The following ST18 variants were observed in gnomAD, a reference collection of about 807,000 sequenced individuals.
ST18 encodes the protein suppression of tumorigenicity 18 protein.
Under a neutral mutation model 110.0 loss-of-function variants are expected in ST18, and 50 were observed. The ratio of observed to expected loss-of-function variants is 0.45; its 90% CI spans 0.36 to 0.58. ST18 has a LOEUF of 0.58. ST18 is among the 20% of genes least tolerant of loss of function. The pLI, the probability that ST18 is intolerant of heterozygous loss-of-function variation, is 0.00. For missense variants in ST18, 1,306 were observed against 1,280.1 expected, an observed-to-expected ratio of 1.02 and a Z score of -0.31; for synonymous variants, 461 against 452.4, an observed-to-expected ratio of 1.02 and a Z score of -0.24.
At chr8:52,282,654 T>C (rs1297868313) in intron 2 of ST18, among the ~76,000 whole-genome samples, 1 of 152,068 alleles carries the variant, frequency 6.6e-6, no homozygotes, top group African/African-American at 2.4e-5. Context: ...GCAGAGAAGC[T>C]TAGGTGCTTG....
At chr8:52,132,405 A>C (rs1047231008) in intron 21 of ST18, among the ~76,000 whole-genome samples, 2 of 152,180 alleles carry the variant, frequency 1.3e-5, no homozygotes, top group African/African-American at 4.8e-5. Flanking sequence ...CATTTTGTAG[A>C]TGAGGAATAA....
intron 2 of ST18, among the ~76,000 whole-genome samples, chr8:52,262,795 GCA>G (rs1424386400): frequency 6.6e-6 from 1 of 152,216 alleles, no homozygotes; most frequent in Non-Finnish European, 1.5e-5. Flanking sequence ...CCTACTCGCT[GCA>G]CACAGACTGC....
intron 3 of ST18, among the ~76,000 whole-genome samples, chr8:52,226,282 C>A (rs751287656): frequency 6.6e-6 from 1 of 152,132 alleles, no homozygotes; most frequent in Non-Finnish European, 1.5e-5. Flanking sequence ...TCACACAGAG[C>A]AATGCATTGC....
intron 2 of ST18, among the ~76,000 whole-genome samples, chr8:52,353,388 T>A (rs1479131251): frequency 6.6e-6 from 1 of 152,204 alleles, no homozygotes; most frequent in Non-Finnish European, 1.5e-5. Flanking sequence ...TTAACCACTA[T>A]AAATAATGTT....
At chr8:52,226,967 T>C (rs897741272) in intron 3 of ST18, among the ~76,000 whole-genome samples, 6 of 152,238 alleles carry the variant, frequency 3.9e-5, no homozygotes, top group African/African-American at 1.4e-4. Flanking sequence ...AGTGACTATT[T>C]GTTTTTCATA....
rs140529533 is a variant in ST18, at chr8:52,134,597, C to T, written c.2301-1296G>A. 3.2e-3 allele frequency among the ~76,000 whole-genome samples: 406 copies of T among 128,646 alleles called. 1 individual carries two copies. Among genetic ancestry groups the T allele is most frequent in the Non-Finnish European group, 5.1e-3 (336 of 65,676 alleles). 84.4% of individuals were successfully genotyped at this position (128,646 alleles called of 152,430 possible). A position where few individuals can be genotyped will look rare whatever the true frequency, so the allele number is the denominator to read the frequency against. On this transcript the variant is annotated intron_variant, in intron 19 of 25. Coordinates refer to ENST00000689386, the MANE Select transcript of ST18 (RefSeq NM_001352837.2). ...CAAGCCTGAGTCAGAAAATAGGGAA[C>T]AAATTGCCTTTTTTTTTTCTTTTTT...
intron 16 of ST18, among the ~76,000 whole-genome samples, chr8:52,145,195 T>C (rs980789476): frequency 1.1e-4 from 16 of 152,150 alleles, no homozygotes; most frequent in African/African-American, 3.9e-4. Context: ...GTTTTAGGGC[T>C]GAATCTATAA....
intron 2 of ST18, among the ~76,000 whole-genome samples, chr8:52,301,270 A>G (rs1370714940): frequency 6.6e-6 from 1 of 152,216 alleles, no homozygotes; most frequent in Non-Finnish European, 1.5e-5. Flanking sequence ...AAATTGTATA[A>G]TCTTGATAAC....
At chr8:52,372,020 A>G (rs1025499579) in intron 2 of ST18, among the ~76,000 whole-genome samples, 1 of 152,204 alleles carries the variant, frequency 6.6e-6, no homozygotes, top group Non-Finnish European at 1.5e-5. Flanking sequence ...AGCCTCAGGC[A>G]GGTCCTTCAG....
intron 2 of ST18, among the ~76,000 whole-genome samples, chr8:52,394,146 G>A (rs1258888878): frequency 2.0e-5 from 3 of 152,078 alleles, no homozygotes; most frequent in East Asian, 1.9e-4. Flanking sequence ...CTGTCTTAAT[G>A]AAGGGCATCC....
intron 2 of ST18, among the ~76,000 whole-genome samples, chr8:52,238,966 A>G (rs907896877): frequency 1.3e-5 from 2 of 152,122 alleles, no homozygotes; most frequent in African/African-American, 4.8e-5. Flanking sequence ...TGTGCAATAT[A>G]TCCATGTAAC....
At chr8:52,140,547 T>TGATAGATAGATA (rs56988793) in intron 17 of ST18, among the ~76,000 whole-genome samples, 3 of 147,354 alleles carry the variant, frequency 2.0e-5, no homozygotes, top group South Asian at 2.3e-4. Context: ...AGATGATAGA[T>TGATAGATAGATA]GATAGATAGA....
intron 23 of ST18, among the ~76,000 whole-genome samples, chr8:52,125,648 CA>C (rs1329342789): frequency 7.0e-6 from 1 of 142,794 alleles, no homozygotes; most frequent in East Asian, 1.9e-4. Context: ...TGCCCCACCA[CA>C]CTGGGCTAAT....
At chr8:52,168,229 G>A (rs1396764810) in intron 10 of ST18, among the ~76,000 whole-genome samples, 1 of 148,666 alleles carries the variant, frequency 6.7e-6, no homozygotes, top group Non-Finnish European at 1.5e-5. Flanking sequence ...TCTGCAACAT[G>A]AGGCCTCAGG....
At chr8:52,125,116 A>C (rs1452070040) in intron 23 of ST18, among the ~76,000 whole-genome samples, 1 of 152,206 alleles carries the variant, frequency 6.6e-6, no homozygotes, top group Non-Finnish European at 1.5e-5. Context: ...AAATCTCCAG[A>C]AAATGCATTC....
intron 2 of ST18, among the ~76,000 whole-genome samples, chr8:52,311,262 A>G (rs1172419148): frequency 1.3e-5 from 2 of 152,210 alleles, no homozygotes; most frequent in Non-Finnish European, 2.9e-5. Flanking sequence ...ATTGAAGGGC[A>G]TCTTTCACAG....
intron 2 of ST18, among the ~76,000 whole-genome samples, chr8:52,334,281 T>C (rs1811022589): frequency 6.6e-6 from 1 of 152,234 alleles, no homozygotes; most frequent in Non-Finnish European, 1.5e-5. Flanking sequence ...ATGTTACGTT[T>C]GGCAAATTCT....
chr8:52,277,565 T>C (rs954057425), intron 2 of ST18, among the ~76,000 whole-genome samples: 1 of 152,236 alleles, frequency 6.6e-6, no homozygotes, highest in Non-Finnish European at 1.5e-5. Context: ...TTTGATCATC[T>C]ATGTTTTGCC....
chr8:52,204,601 C>T (rs1479520580), intron 8 of ST18, among the ~76,000 whole-genome samples: 1 of 152,150 alleles, frequency 6.6e-6, no homozygotes, highest in Admixed American at 6.5e-5. Context: ...TCCACTGAAA[C>T]ATCTAATACT....
Sources: gnomAD v4.1 joint callset for allele counts (sites outside exome capture counted in the v4.1 genomes callset) on GRCh38, gnomAD v4.1.1 for gene constraint, MANE v1.5 for transcripts, NCBI Gene and HGNC (gene_info 2026-07-23, HGNC 2026-07-21) for gene names.